KIF21A: variants seen among roughly 807,000 people sequenced by gnomAD.
KIF21A encodes kinesin family member 21A.
Under a neutral mutation model 202.9 loss-of-function variants are expected in KIF21A, and 114 were observed. The ratio of observed to expected loss-of-function variants is 0.56; its 90% CI spans 0.48 to 0.66. The LOEUF (loss-of-function observed/expected upper bound fraction) is 0.66. Among genes scored for constraint, KIF21A ranks in the 30% least tolerant of loss-of-function variants. The pLI is 0.00. For synonymous variants in KIF21A, 667 were observed against 670.8 expected (o/e 0.99, Z 0.09); for missense variants, 1,677 against 1,994.9 (o/e 0.84, Z 3.04).
At chr12:39,350,887 C>T (rs1948316781) in intron 11 of KIF21A, among the ~76,000 whole-genome samples, 1 of 152,042 alleles carries the variant, frequency 6.6e-6, no homozygotes, top group African/African-American at 2.4e-5. Flanking sequence ...AGCAAAGCAG[C>T]AGGTAGGCTA....
chr12:39,421,904 T>C (rs1954323589), intron 1 of KIF21A, among the ~76,000 whole-genome samples: 1 of 149,902 alleles, frequency 6.7e-6, no homozygotes, highest in Admixed American at 6.7e-5. Context: ...ATAACATTTT[T>C]AAAATTTATC....
At chr12:39,345,518 T>C (rs1455054757) in intron 12 of KIF21A, among the ~76,000 whole-genome samples, 2 of 151,618 alleles carry the variant, frequency 1.3e-5, no homozygotes, top group Non-Finnish European at 2.9e-5. Context: ...ATAAAAATTA[T>C]AAGGTAATTT....
chr12:39,380,744 G>C (rs1050157851), intron 1 of KIF21A, among the ~76,000 whole-genome samples: 3 of 152,112 alleles, frequency 2.0e-5, no homozygotes, highest in Non-Finnish European at 4.4e-5. Context: ...AAGGTAGGTA[G>C]ATTGAAGGAA....
chr12:39,409,895 G>A (rs1471161947), intron 1 of KIF21A, among the ~76,000 whole-genome samples: 4 of 151,282 alleles, frequency 2.6e-5, no homozygotes, highest in South Asian at 2.1e-4. Flanking sequence ...GCAATGGCGC[G>A]ATCTTGGCTC....
chr12:39,367,858 G>GT, intron 4 of KIF21A, 25 bp downstream of exon 4: 1 of 1,589,690 alleles, frequency 6.3e-7, no homozygotes, highest in Non-Finnish European at 8.6e-7. Context: ...ACTATGCTCT[G>GT]TTTTAACTAT....
At chr12:39,366,278 T>C (rs1949598053) in intron 6 of KIF21A, 72 bp downstream of exon 6, 1 of 1,354,862 alleles carries the variant, frequency 7.4e-7, no homozygotes, top group South Asian at 1.2e-5. Flanking sequence ...CATATGGATA[T>C]TATAAATTAC....
rs1249481806 is a variant in KIF21A, at chr12:39,442,904, C to A, written c.44+23G>T. Reference sequence around the variant, plus strand: ...CGCCCTCAACCCGCCGCCCGCCGCCCGCCGCCGGCAGACTGTCCTCACCTG... The same window carrying A: ...CGCCCTCAACCCGCCGCCCGCCGCCAGCCGCCGGCAGACTGTCCTCACCTG... On this transcript the variant is annotated intron_variant, in intron 1 of 37. Coordinates refer to ENST00000361418, the MANE Select transcript of KIF21A (RefSeq NM_001173464.2). This position sits in a 1 kb window ranked among gnomAD's most constrained non-coding sequence, Gnocchi z 5.0. 9.2e-6 allele frequency: 14 copies of A among 1,523,474 alleles called. No individual in the cohort carries two copies. The highest frequency in any genetic ancestry group is 1.2e-5 in the Non-Finnish European group (14 of 1,142,252). 94.4% of individuals were successfully genotyped at this position (1,523,474 alleles called of 1,614,324 possible).
intron 1 of KIF21A, among the ~76,000 whole-genome samples, chr12:39,437,311 C>T (rs929423083): frequency 1.3e-5 from 2 of 152,114 alleles, no homozygotes; most frequent in African/African-American, 4.8e-5. Flanking sequence ...AGACCTGAAA[C>T]CTGAAGTTCC....
chr12:39,329,453 A>G (rs1278020458), intron 24 of KIF21A, among the ~76,000 whole-genome samples: 1 of 152,184 alleles, frequency 6.6e-6, no homozygotes, highest in Non-Finnish European at 1.5e-5. Context: ...GAGGAGAACA[A>G]GAAGGAGGAG....
intron 1 of KIF21A, among the ~76,000 whole-genome samples, chr12:39,398,567 C>T (rs1951931143): frequency 6.6e-6 from 1 of 151,898 alleles, no homozygotes. Flanking sequence ...GTTGAAGAGC[C>T]CAAGTGAGAG....
At chr12:39,420,766 T>G (rs143811192) in intron 1 of KIF21A, among the ~76,000 whole-genome samples, 8 of 151,980 alleles carry the variant, frequency 5.3e-5, no homozygotes, top group African/African-American at 1.9e-4. Context: ...AGTAATGAGA[T>G]CTACCCGTGA....
chr12:39,416,704 T>TATATGTGTGTATATATATATGTAC lies in KIF21A; in HGVS notation c.44+26222_44+26223insGTACATATATATATACACACATAT, dbSNP rs1566267241. ...ATATGTGTGTATATATATATGTACA[T>TATATGTGTGTATATATATATGTAC]ATATATGTGTGTATATATGTACATA... On this transcript the variant is annotated intron_variant, in intron 1 of 37. Transcript: ENST00000361418. Among the ~76,000 whole-genome samples, 126 of 93,692 alleles carry TATATGTGTGTATATATATATGTAC rather than the reference T, an allele frequency of 1.3e-3. 21 individuals carry two copies. The highest frequency in any genetic ancestry group is 7.4e-3 in the African/African-American group (113 of 15,280). 61.5% of individuals were successfully genotyped at this position (93,692 alleles called of 152,430 possible). A position where few individuals can be genotyped will look rare whatever the true frequency, so the allele number is the denominator to read the frequency against.
intron 1 of KIF21A, among the ~76,000 whole-genome samples, chr12:39,405,078 G>A (rs900063255): frequency 1.3e-4 from 20 of 152,110 alleles, no homozygotes; most frequent in Non-Finnish European, 1.5e-4. Flanking sequence ...TGAAGGCCAG[G>A]CACTGGCTCA....
chr12:39,326,828 A>G (rs1342018101), intron 24 of KIF21A, among the ~76,000 whole-genome samples: 2 of 152,156 alleles, frequency 1.3e-5, no homozygotes, highest in Admixed American at 6.5e-5. Context: ...ATACAGAGAG[A>G]AGGTGTGCAT....
At chr12:39,349,679 G>A (rs1454960829) in intron 11 of KIF21A, among the ~76,000 whole-genome samples, 1 of 151,994 alleles carries the variant, frequency 6.6e-6, no homozygotes, top group Non-Finnish European at 1.5e-5. Context: ...AAAAGTTATT[G>A]GGATCCAAGT....
At chr12:39,345,376 C>T (rs1422829769) in intron 12 of KIF21A, among the ~76,000 whole-genome samples, 2 of 151,928 alleles carry the variant, frequency 1.3e-5, no homozygotes, top group African/African-American at 2.4e-5. Flanking sequence ...ATATGTATTG[C>T]TTAGGTGAGT....
At chr12:39,441,432 C>A (rs1186698137) in intron 1 of KIF21A, among the ~76,000 whole-genome samples, 18 of 151,814 alleles carry the variant, frequency 1.2e-4, no homozygotes, top group Admixed American at 1.2e-3. Flanking sequence ...AACAAAATTG[C>A]CTCTTATTGG....
chr12:39,295,931 C>T (rs1288846809), intron 37 of KIF21A, among the ~76,000 whole-genome samples: 1 of 150,128 alleles, frequency 6.7e-6, no homozygotes, highest in African/African-American at 2.5e-5. Flanking sequence ...ATCTCTTGAC[C>T]TCGTGATCTG....
At chr12:39,371,351 C>G (rs911045272) in intron 1 of KIF21A, among the ~76,000 whole-genome samples, 2 of 152,086 alleles carry the variant, frequency 1.3e-5, no homozygotes, top group African/African-American at 2.4e-5. Flanking sequence ...ACTGGAAGAC[C>G]ACCGCACTAC....
Sources: gnomAD v4.1 joint callset for allele counts (sites outside exome capture counted in the v4.1 genomes callset) on GRCh38, gnomAD v4.1.1 for gene constraint, Gnocchi (gnomAD v3.1) non-coding constraint, MANE v1.5 for transcripts, NCBI Gene and HGNC (gene_info 2026-07-23, HGNC 2026-07-21) for gene names.